Variants in MAP3K2 observed in about 807,000 individuals in gnomAD.
The protein encoded by MAP3K2 is mitogen-activated protein kinase kinase kinase 2.
Under a neutral mutation model 80.3 loss-of-function variants are expected in MAP3K2, and 24 were observed. The observed-to-expected ratio is 0.30, with a 90% CI of 0.22 to 0.42. The LOEUF is 0.42. Among genes scored for constraint, MAP3K2 ranks in the 10% least tolerant of loss-of-function variants. The probability of loss-of-function intolerance (pLI) is 1.00; values close to 1 mark genes in which losing one functional copy is unlikely to be tolerated. For missense variants in MAP3K2, 608 were observed against 750.1 expected (o/e 0.81, Z 2.21); for synonymous variants, 244 against 253.7 (o/e 0.96, Z 0.36).
intron 4 of MAP3K2, among the ~76,000 whole-genome samples, chr2:127,336,332 T>C (rs1686371092): frequency 6.6e-6 from 1 of 152,222 alleles, no homozygotes; most frequent in Admixed American, 6.5e-5. Context: ...AATGAAACTG[T>C]TAAAAAGAAT....
intron 1 of MAP3K2, among the ~76,000 whole-genome samples, chr2:127,360,950 A>C (rs1438815918): frequency 6.6e-6 from 1 of 152,200 alleles, no homozygotes; most frequent in Non-Finnish European, 1.5e-5. Context: ...GAGGGTTCTG[A>C]GACCTTTCAC....
At position 127,337,721 on chromosome 2, in the gene MAP3K2, A is replaced by C. The variant is rs1167150537; in HGVS notation, c.164+17T>G. On this transcript the variant is annotated intron_variant, in intron 4 of 16. Transcript: ENST00000682094. Reference sequence around the variant, plus strand: ...TGATTAAATCAATTAATTAACATGTAATGTTTCCTTCCTTACCTTTTTTCT... The same window carrying C: ...TGATTAAATCAATTAATTAACATGTCATGTTTCCTTCCTTACCTTTTTTCT... 1.4e-6 allele frequency: 2 copies of C among 1,409,660 alleles called. No individual in the cohort carries two copies. Among genetic ancestry groups the C allele is most frequent in the Admixed American group, 4.3e-5 (2 of 46,058 alleles). 87.3% of individuals were successfully genotyped at this position (1,409,660 alleles called of 1,614,324 possible).
upstream of MAP3K2, chr2:127,388,088 G>C: frequency 1.0e-6 from 1 of 984,228 alleles, no homozygotes; most frequent in Non-Finnish European, 1.2e-6. Flanking sequence ...GAGTGGGTCG[G>C]CGCCTGCGCA....
Position 127,322,180 on chromosome 2 carries a change from G to A in MAP3K2, c.911C>T (p.Thr304Ile), listed in dbSNP as rs774297678. 4 of 1,613,954 alleles carry A rather than the reference G, an allele frequency of 2.5e-6. No individual in the cohort carries two copies. The highest frequency in any genetic ancestry group is 1.1e-5 in the South Asian group (1 of 91,082). ...ACTACTAGTGCTTAAGGAATGATCA[G>A]TAGGACTGAAACTCACAGGAGACCG... ...SLRSPVSFSP[T>I]DHSLSTSSGS... The change falls in exon 12 of 17, where the codon ACT (threonine) becomes ATT (isoleucine). Residue 304 changes from threonine (T) to isoleucine (I), a missense_variant. Transcript: ENST00000682094. The surrounding 1 kb of genome is among the most constrained non-coding windows in gnomAD (Gnocchi z 4.2).
At chr2:127,370,048 CTAAG>C (rs904479289) in intron 1 of MAP3K2, among the ~76,000 whole-genome samples, 11 of 139,886 alleles carry the variant, frequency 7.9e-5, no homozygotes, top group African/African-American at 2.7e-4. Context: ...AGAAACTCAT[CTAAG>C]TAAGTTAGTT....
intron 16 of MAP3K2, 22 bp downstream of exon 16, chr2:127,308,563 C>T: frequency 6.5e-7 from 1 of 1,528,450 alleles, no homozygotes; most frequent in Non-Finnish European, 8.9e-7. Context: ...GGTTTTCAAG[C>T]AAACTTCGTA....
intron 4 of MAP3K2, among the ~76,000 whole-genome samples, chr2:127,336,366 AT>A (rs1451928252): frequency 6.6e-6 from 1 of 152,224 alleles, no homozygotes; most frequent in African/African-American, 2.4e-5. Flanking sequence ...AGGGATTCAA[AT>A]TTTGATTTCT....
In MAP3K2 at chr2:127,378,489, GTTATAT is replaced by G. The variant is rs144839453; in HGVS notation, c.-66+8957_-66+8962del. Among the ~76,000 whole-genome samples, 886 of 151,542 alleles carry G rather than the reference GTTATAT, an allele frequency of 5.8e-3. 9 individuals are homozygous for G. Among genetic ancestry groups the G allele is most frequent in the African/African-American group, 0.02 (836 of 41,448 alleles). On this transcript the variant is annotated intron_variant, in intron 1 of 16. Coordinates refer to ENST00000682094, the MANE Select transcript of MAP3K2 (RefSeq NM_001371910.2). Reference sequence around the variant, plus strand: ...GTTCCCATCAACTTACCGAAAATTAGTTATATTTATAATTTACAGTTTGTAACATAA... The same window carrying G: ...GTTCCCATCAACTTACCGAAAATTAGTTATAATTTACAGTTTGTAACATAA...
intron 1 of MAP3K2, among the ~76,000 whole-genome samples, chr2:127,383,637 CT>C (rs1687290000): frequency 2.0e-5 from 3 of 152,226 alleles, no homozygotes; most frequent in South Asian, 4.1e-4. Context: ...GGTATTTTGA[CT>C]TTTCCAACTT....
At chr2:127,314,917 G>GTA (rs1685872681) in intron 14 of MAP3K2, 34 bp from the exon 15 acceptor site, 1 of 1,503,044 alleles carries the variant, frequency 6.7e-7, no homozygotes. Context: ...AAAAACTACT[G>GTA]TATATGGTTT....
In MAP3K2 at chr2:127,302,243, C is replaced by G. The variant is rs1045622875; in HGVS notation, c.*5336G>C. On this transcript the variant is annotated 3_prime_UTR_variant, in exon 17 of 17. Coordinates refer to ENST00000682094, the MANE Select transcript of MAP3K2 (RefSeq NM_001371910.2). ...TAGCAACCAAGAGTATGGCAATTTA[C>G]AATCAATATTATTATACAATCATTT... is the stretch of plus-strand genomic sequence containing the variant. The G allele has an allele frequency of 1.3e-5, 2 of 152,076 alleles. No individual in the cohort carries two copies. The highest frequency in any genetic ancestry group is 2.9e-5 in the Non-Finnish European group (2 of 68,022). 9.4% of individuals were successfully genotyped at this position (152,076 alleles called of 1,614,324 possible). A position where few individuals can be genotyped will look rare whatever the true frequency, so the allele number is the denominator to read the frequency against.
At chr2:127,348,305 T>C (rs1367650882) in intron 1 of MAP3K2, among the ~76,000 whole-genome samples, 6 of 152,080 alleles carry the variant, frequency 3.9e-5, no homozygotes, top group Admixed American at 2.0e-4. Flanking sequence ...GGAGAATTGC[T>C]TGAACATGGG....
At chr2:127,383,317 G>A (rs1040156630) in intron 1 of MAP3K2, among the ~76,000 whole-genome samples, 1 of 152,164 alleles carries the variant, frequency 6.6e-6, no homozygotes, top group African/African-American at 2.4e-5. Flanking sequence ...TCCAATCAAC[G>A]AGTATGGGAT....
At chr2:127,326,876 T>A in intron 7 of MAP3K2, 59 bp from the exon 8 acceptor site, 1 of 1,096,044 alleles carries the variant, frequency 9.1e-7, no homozygotes, top group Non-Finnish European at 1.3e-6. Flanking sequence ...AGTTTTGTTT[T>A]AAATAGGCTA....
intron 1 of MAP3K2, among the ~76,000 whole-genome samples, chr2:127,373,015 C>T (rs1687092494): frequency 6.6e-6 from 1 of 152,186 alleles, no homozygotes; most frequent in African/African-American, 2.4e-5. Context: ...TAAAAGACTG[C>T]TTTTATACTA....
chr2:127,385,315 A>G (rs1405286875), intron 1 of MAP3K2, among the ~76,000 whole-genome samples: 1 of 152,256 alleles, frequency 6.6e-6, no homozygotes, highest in Admixed American at 6.5e-5. Flanking sequence ...CATGGAGGCA[A>G]GACCCTCCAC....
chr2:127,345,034 T>G (rs1407370345), intron 1 of MAP3K2, among the ~76,000 whole-genome samples: 5 of 152,118 alleles, frequency 3.3e-5, no homozygotes, highest in Non-Finnish European at 7.4e-5. Context: ...CCAGCTGATT[T>G]TTAAAAAAAG....
chr2:127,329,047 A>G (rs1686198599), intron 7 of MAP3K2, among the ~76,000 whole-genome samples: 1 of 152,208 alleles, frequency 6.6e-6, no homozygotes, highest in Non-Finnish European at 1.5e-5. Context: ...TGAAGAACAG[A>G]CAGAATGGGG....
chr2:127,317,754 T>G lies in MAP3K2; in HGVS notation c.1201A>C (p.Asn401His), dbSNP rs1685935141. The stretch of plus-strand genomic sequence containing the variant: ...AACTGAATTTCACACTCAAGTGCAT[T>G]TACTTCCTGAAAGAGAGAATTCATT... Reference protein sequence around the residue: ...PDSPETSKEVNALECEIQLLK... With the variant: ...PDSPETSKEVHALECEIQLLK... The change falls in exon 14 of 17, where the codon AAT (asparagine) becomes CAT (histidine). Residue 401 changes from asparagine (N) to histidine (H), a missense_variant. This residue lies in a region of MAP3K2 where 467 missense variants were observed against 521.9 expected (regional missense o/e 0.89). Coordinates refer to ENST00000682094, the MANE Select transcript of MAP3K2 (RefSeq NM_001371910.2). 8.1e-6 allele frequency: 13 copies of G among 1,599,908 alleles called. No individual in the cohort carries two copies. Among genetic ancestry groups the G allele is most frequent in the African/African-American group, 1.3e-5 (1 of 74,754 alleles).
Sources: gnomAD v4.1 joint callset for allele counts (sites outside exome capture counted in the v4.1 genomes callset) on GRCh38, gnomAD v4.1.1 for gene constraint, gnomAD v4.1.1 regional missense constraint, Gnocchi (gnomAD v3.1) non-coding constraint, MANE v1.5 for transcripts, NCBI Gene and HGNC (gene_info 2026-07-23, HGNC 2026-07-21) for gene names.